Variants in ZNF653 observed in about 807,000 individuals in gnomAD.
ZNF653 encodes 67 kDa zinc finger protein.
Under a neutral mutation model 59.9 loss-of-function variants are expected in ZNF653, and 37 were observed. The ratio of observed to expected loss-of-function variants is 0.62; its 90% CI spans 0.48 to 0.81. The LOEUF is 0.81. ZNF653 is among the 40% of genes least tolerant of loss of function. The probability of loss-of-function intolerance (pLI) is 0.00; values close to 1 mark genes in which losing one functional copy is unlikely to be tolerated. For synonymous variants in ZNF653, 435 were observed against 371.8 expected (o/e 1.17, Z -1.96); for missense variants, 808 against 881.1 (o/e 0.92, Z 1.05).
At chr19:11,493,082 G>A (rs1971546166) in intron 3 of ZNF653, among the ~76,000 whole-genome samples, 1 of 146,822 alleles carries the variant, frequency 6.8e-6, no homozygotes, top group Non-Finnish European at 1.5e-5. Flanking sequence ...TTTCTAGACA[G>A]AGTCTTGCTC....
intron 3 of ZNF653, among the ~76,000 whole-genome samples, chr19:11,494,556 G>A (rs1466493742): frequency 1.3e-5 from 2 of 152,058 alleles, no homozygotes; most frequent in Non-Finnish European, 2.9e-5. Flanking sequence ...CAGGTGTGGT[G>A]GCAGATGCCT....
At chr19:11,483,894 A>T (rs773050101) in intron 8 of ZNF653, 35 bp from the exon 9 acceptor site, 3 of 700,808 alleles carry the variant, frequency 4.3e-6, no homozygotes, top group Non-Finnish European at 6.6e-6. Flanking sequence ...GGGCGGGGTC[A>T]GAGTGGGCGG....
Position 11,487,721 on chromosome 19 carries a change from C to T in ZNF653, c.742G>A (p.Val248Ile), listed in dbSNP as rs775130253. ...TCGGCCAGGCTTTCCACGTGGTGGA[C>T]GTCAAAGGGAATGTGCACGCCCTCC... is the stretch of plus-strand genomic sequence containing the variant. ...TQEGVHIPFDVHHVESLAEQG... is the reference protein window; with the variant it reads ...TQEGVHIPFDIHHVESLAEQG... The change falls in exon 4 of 9, where the codon GTC becomes ATC. Residue 248 changes from valine to isoleucine, a missense_variant. Val to Ile is a conservative substitution (Grantham distance 29, BLOSUM62 3). Coordinates refer to ENST00000293771, the MANE Select transcript of ZNF653 (RefSeq NM_138783.4). This position sits in a 1 kb window ranked among gnomAD's most constrained non-coding sequence, Gnocchi z 5.1. 3.4e-5 allele frequency: 55 copies of T among 1,613,562 alleles called. No individual in the cohort carries two copies. In the East Asian group the frequency reaches 4.7e-4, roughly 14 times the overall value.
intron 1 of ZNF653, 64 bp downstream of exon 1, chr19:11,505,424 G>T (rs1019988199): frequency 7.4e-7 from 1 of 1,357,822 alleles, no homozygotes; most frequent in African/African-American, 1.5e-5. Flanking sequence ...GAGGGGGCGG[G>T]GTAAAGCCCG....
chr19:11,491,384 A>C (rs763251336), intron 3 of ZNF653, among the ~76,000 whole-genome samples: 4 of 152,192 alleles, frequency 2.6e-5, no homozygotes, highest in Non-Finnish European at 5.9e-5. Context: ...ACCTGGGTCC[A>C]GGGATGAAAG....
intron 1 of ZNF653, among the ~76,000 whole-genome samples, chr19:11,499,959 T>A (rs1398521705): frequency 6.6e-6 from 1 of 152,140 alleles, no homozygotes; most frequent in African/African-American, 2.4e-5. Context: ...ATCTTCGTCA[T>A]GGTACAGCCC....
Position 11,496,171 on chromosome 19 carries a change from G to A in ZNF653, c.344-6C>T, listed in dbSNP as rs1210165915. 6.2e-7 allele frequency: 1 copy of A among 1,612,668 alleles called. No homozygotes were observed. Among genetic ancestry groups the A allele is most frequent in the Non-Finnish European group, 8.5e-7 (1 of 1,179,640 alleles). ...GTTCACGTTGCGTCGCCGCCCTATG[G>A]ACACAGGGCCGAGGAGTGGGTATAA... On this transcript the variant is annotated splice_polypyrimidine_tract_variant and splice_region_variant and intron_variant, in intron 2 of 8. Transcript: ENST00000293771.
At chr19:11,505,355 G>A (rs779140368) in intron 1 of ZNF653, 133 bp downstream of exon 1, 91 of 973,078 alleles carry the variant, frequency 9.4e-5, no homozygotes, top group Non-Finnish European at 1.2e-4. Context: ...ACGAGACCCA[G>A]GCCGCCGGCC....
intron 2 of ZNF653, 113 bp downstream of exon 2, chr19:11,498,183 G>C (rs1971607977): frequency 2.1e-6 from 3 of 1,446,182 alleles, no homozygotes; most frequent in South Asian, 2.3e-5. Flanking sequence ...GTCGGGCTCT[G>C]CTGGTTCCAA....
In ZNF653 at chr19:11,487,129, C is replaced by T. The variant is rs1568393396; in HGVS notation, c.1201G>A (p.Glu401Lys). 1 of 1,612,642 alleles carries T rather than the reference C, an allele frequency of 6.2e-7. No individual in the cohort carries two copies. Among genetic ancestry groups the T allele is most frequent in the East Asian group, 2.2e-5 (1 of 44,884 alleles). ...EKEDLCLLKKEEKEEPVAPEL... is the reference protein window; with the variant it reads ...EKEDLCLLKKKEKEEPVAPEL... ...GGGGCTACTGGCTCCTCCTTCTCCT[C>T]CTTCTTTAGCAAGCACAGGTCCTCC... Residue 401 changes from glutamate to lysine, a missense_variant, in exon 5 of 9, where the codon GAG (glutamate) becomes AAG (lysine). Physicochemically the swap from Glu to Lys is moderately conservative, Grantham distance 56. Transcript: ENST00000293771. This position sits in a 1 kb window ranked among gnomAD's most constrained non-coding sequence, Gnocchi z 5.1.
chr19:11,484,966 C>T (rs1971449747), intron 7 of ZNF653, among the ~76,000 whole-genome samples: 1 of 151,516 alleles, frequency 6.6e-6, no homozygotes, highest in South Asian at 2.1e-4. Context: ...AGAAGAATTG[C>T]TTGAACCCGG....
At position 11,487,739 on chromosome 19, in the gene ZNF653, C is replaced by T. The variant is rs765890535; in HGVS notation, c.724G>A (p.Val242Met). The change falls in exon 4 of 9, where the codon GTG (valine) becomes ATG (methionine). Residue 242 changes from valine (V) to methionine (M), a missense_variant. Transcript: ENST00000293771. This position sits in a 1 kb window ranked among gnomAD's most constrained non-coding sequence, Gnocchi z 5.1. ...TGGTGGACGTCAAAGGGAATGTGCACGCCCTCCTGAGTGATGAGCCCGCTG... is the reference window on the plus strand; with the variant it reads ...TGGTGGACGTCAAAGGGAATGTGCATGCCCTCCTGAGTGATGAGCCCGCTG... ...GSSGLITQEG[V>M]HIPFDVHHVE... 32 of 1,613,540 alleles carry T rather than the reference C, an allele frequency of 2.0e-5. No individual in the cohort carries two copies. The highest frequency in any genetic ancestry group is 2.3e-5 in the Non-Finnish European group (27 of 1,179,926).
intron 6 of ZNF653, 78 bp from the exon 7 acceptor site, chr19:11,485,848 C>A: frequency 8.6e-7 from 1 of 1,167,826 alleles, no homozygotes. Flanking sequence ...ATGAGGGCAG[C>A]TGGAAGGCAG....
Position 11,483,600 on chromosome 19 carries a change from C to G in ZNF653, c.*82G>C. The G allele has an allele frequency of 9.8e-6, 15 of 1,526,192 alleles. No homozygotes were observed. Among genetic ancestry groups the G allele is most frequent in the Non-Finnish European group, 1.3e-5 (15 of 1,130,676 alleles). The allele number at this position is 1,526,192 out of a possible 1,614,324, so 94.5% of individuals were successfully genotyped here. A position where few individuals can be genotyped will look rare whatever the true frequency, so the allele number is the denominator to read the frequency against. On this transcript the variant is annotated 3_prime_UTR_variant, in exon 9 of 9. Coordinates refer to ENST00000293771, the MANE Select transcript of ZNF653 (RefSeq NM_138783.4). ...CTTCCGGCCCGCGGTCCGGGCGGCC[C>G]TCGCAGCTGTCCAGGCCCCGGCAAG...
chr19:11,483,989 T>A, intron 8 of ZNF653, 53 bp downstream of exon 8: 1 of 1,539,888 alleles, frequency 6.5e-7, no homozygotes, highest in Non-Finnish European at 8.8e-7. Flanking sequence ...TGGGACCTGC[T>A]GGGATCCCCT....
intron 3 of ZNF653, among the ~76,000 whole-genome samples, chr19:11,494,824 T>C (rs1971568274): frequency 6.6e-6 from 1 of 152,228 alleles, no homozygotes; most frequent in Admixed American, 6.5e-5. Flanking sequence ...GGCTTGGGAT[T>C]CCTTGACTGC....
chr19:11,486,195 G>A (rs1271828052), intron 6 of ZNF653, among the ~76,000 whole-genome samples: 1 of 152,124 alleles, frequency 6.6e-6, no homozygotes, highest in Non-Finnish European at 1.5e-5. Flanking sequence ...TCCTGACCTC[G>A]TGATCCGCCC....
chr19:11,495,467 C>A lies in ZNF653; in HGVS notation c.559+483G>T, dbSNP rs566245509. On this transcript the variant is annotated intron_variant, in intron 3 of 8. Transcript: ENST00000293771. This position sits in a 1 kb window ranked among gnomAD's most constrained non-coding sequence, Gnocchi z 4.9. ...TGGAGGGGGAAGGCAAGAAACGAAG[C>A]CTGGAAAGGCAGAAGGCAAGAGAAT... 2.3e-5 allele frequency: 4 copies of A among 172,568 alleles called. No homozygotes were observed. In the South Asian group the frequency reaches 5.1e-4, roughly 22 times the overall value. 10.7% of individuals were successfully genotyped at this position (172,568 alleles called of 1,614,324 possible).
In ZNF653 at chr19:11,483,717, T is replaced by C; in HGVS notation, c.1813A>G (p.Thr605Ala). The C allele has an allele frequency of 6.2e-7, 1 of 1,613,610 alleles. No homozygotes were observed. Among genetic ancestry groups the C allele is most frequent in the East Asian group, 2.2e-5 (1 of 44,848 alleles). The change falls in exon 9 of 9, where the codon ACG (threonine) becomes GCG (alanine). Residue 605 changes from threonine (T) to alanine (A), a missense_variant. Coordinates refer to ENST00000293771, the MANE Select transcript of ZNF653 (RefSeq NM_138783.4). ...FEKLDSVKFH[T>A]LKSHPDHKPT ...TTGTGATCCGGGTGGCTTTTGAGCG[T>C]GTGGAACTTGACGCTGTCCAGCTTC...
Sources: gnomAD v4.1 joint callset for allele counts (sites outside exome capture counted in the v4.1 genomes callset) on GRCh38, gnomAD v4.1.1 for gene constraint, Gnocchi (gnomAD v3.1) non-coding constraint, MANE v1.5 for transcripts, NCBI Gene and HGNC (gene_info 2026-07-23, HGNC 2026-07-21) for gene names.